Variants in WDR27 observed in about 807,000 individuals in gnomAD.
WDR27 encodes WD repeat domain 27.
WDR27 carries 100 observed loss-of-function variants against 114.4 expected under a neutral mutation model. The ratio of observed to expected loss-of-function variants is 0.87; its 90% CI spans 0.74 to 1.03. The LOEUF (loss-of-function observed/expected upper bound fraction) is 1.03. Ranked by LOEUF, WDR27 falls within the 50% of genes least tolerant of loss-of-function variation. WDR27 has a pLI of 0.00. For missense variants in WDR27, 1,129 were observed against 1,092.9 expected (o/e 1.03, Z -0.47); for synonymous variants, 449 against 423.1 (o/e 1.06, Z -0.75).
At chr6:169,667,865 G>A (rs1252724279) in intron 5 of WDR27, 117 bp downstream of exon 5, 3 of 1,020,142 alleles carry the variant, frequency 2.9e-6, no homozygotes, top group Non-Finnish European at 4.2e-6. Context: ...CAGAAGTGAG[G>A]TAGAAACAAC....
At chr6:169,565,514 G>A (rs1329442713) in intron 25 of WDR27, among the ~76,000 whole-genome samples, 3 of 152,078 alleles carry the variant, frequency 2.0e-5, no homozygotes, top group South Asian at 2.1e-4. Flanking sequence ...CTTGTCTTAC[G>A]CAGTGGAGAA....
chr6:169,592,232 C>G (rs1160495913), intron 23 of WDR27, among the ~76,000 whole-genome samples: 3 of 152,082 alleles, frequency 2.0e-5, no homozygotes, highest in Non-Finnish European at 4.4e-5. Flanking sequence ...TACAGAAAAA[C>G]CTACTGGCAT....
chr6:169,578,942 T>C (rs955911557), intron 24 of WDR27, among the ~76,000 whole-genome samples: 2 of 152,104 alleles, frequency 1.3e-5, no homozygotes, highest in African/African-American at 4.8e-5. Flanking sequence ...GTCATCACAC[T>C]CCAGGTTCCT....
At chr6:169,589,347 T>C (rs1206958920) in intron 23 of WDR27, among the ~76,000 whole-genome samples, 2 of 152,170 alleles carry the variant, frequency 1.3e-5, no homozygotes, top group African/African-American at 2.4e-5. Flanking sequence ...AACAGCACTA[T>C]GAAGAAAACA....
intron 4 of WDR27, among the ~76,000 whole-genome samples, chr6:169,669,279 CAT>C (rs1366719994): frequency 1.3e-5 from 2 of 152,222 alleles, no homozygotes; most frequent in African/African-American, 4.8e-5. Context: ...AACCATTCCT[CAT>C]GTCTGAAAGT....
chr6:169,466,792 G>A (rs1785649301), intron 25 of WDR27, among the ~76,000 whole-genome samples: 1 of 152,184 alleles, frequency 6.6e-6, no homozygotes, highest in African/African-American at 2.4e-5. Flanking sequence ...CAAATCTCAT[G>A]TCTTCACATT....
intron 17 of WDR27, among the ~76,000 whole-genome samples, chr6:169,638,969 A>C (rs1818434799): frequency 6.6e-6 from 1 of 151,914 alleles, no homozygotes; most frequent in South Asian, 2.1e-4. Flanking sequence ...CGTGTACTGC[A>C]TGGTGCTGGG....
chr6:169,496,178 C>A (rs1451612161), intron 25 of WDR27, among the ~76,000 whole-genome samples: 3 of 151,974 alleles, frequency 2.0e-5, no homozygotes, highest in African/African-American at 7.2e-5. Flanking sequence ...ATGATTATCT[C>A]AATTGGTGCA....
chr6:169,663,906 A>G (rs73240760), intron 8 of WDR27, among the ~76,000 whole-genome samples: 6,000 of 152,262 alleles, frequency 0.039, 401 homozygotes, highest in African/African-American at 0.14. Context: ...ATAGCTGCAA[A>G]GCTGCTGCCT....
At chr6:169,683,234 TA>T (rs1391643138) in intron 2 of WDR27, among the ~76,000 whole-genome samples, 1 of 151,990 alleles carries the variant, frequency 6.6e-6, no homozygotes, top group East Asian at 1.9e-4. Flanking sequence ...TCAACCCAAA[TA>T]AAAATACCCA....
At chr6:169,464,414 C>A (rs1190332405) in intron 25 of WDR27, among the ~76,000 whole-genome samples, 1 of 151,938 alleles carries the variant, frequency 6.6e-6, no homozygotes, top group Non-Finnish European at 1.5e-5. Context: ...AATGTGAGAT[C>A]CAAAATAATA....
intron 25 of WDR27, among the ~76,000 whole-genome samples, chr6:169,481,375 A>G (rs572351804): frequency 4.3e-4 from 66 of 152,370 alleles, no homozygotes; most frequent in African/African-American, 1.2e-3. Flanking sequence ...AAAATGGACC[A>G]ATCGGCAGGA....
At chr6:169,695,754 A>G (rs908024111) in intron 1 of WDR27, among the ~76,000 whole-genome samples, 2 of 152,214 alleles carry the variant, frequency 1.3e-5, no homozygotes, top group African/African-American at 4.8e-5. Flanking sequence ...TGAGGTTACT[A>G]ATCAGATGGG....
intron 25 of WDR27, among the ~76,000 whole-genome samples, chr6:169,466,477 A>T (rs572845592): frequency 6.6e-6 from 1 of 152,334 alleles, no homozygotes; most frequent in South Asian, 2.1e-4. Flanking sequence ...TTATAAAACC[A>T]TCAGATCTCA....
chr6:169,501,233 C>T (rs758395446), intron 25 of WDR27, among the ~76,000 whole-genome samples: 1 of 152,204 alleles, frequency 6.6e-6, no homozygotes, highest in Non-Finnish European at 1.5e-5. Context: ...GATCCACCTG[C>T]GGATTGAAGC....
chr6:169,638,818 C>A (rs1818389399), intron 17 of WDR27, among the ~76,000 whole-genome samples, 158 bp from the exon 18 acceptor site: 1 of 152,256 alleles, frequency 6.6e-6, no homozygotes, highest in Non-Finnish European at 1.5e-5. Flanking sequence ...AGTGAGGCTG[C>A]AGAGCCTGAG....
At chr6:169,660,413 G>A (rs1825745848) in intron 10 of WDR27, among the ~76,000 whole-genome samples, 2 of 152,292 alleles carry the variant, frequency 1.3e-5, no homozygotes, top group South Asian at 2.1e-4. Context: ...GGCCTGGAGT[G>A]CCAGGCGAGG....
intron 25 of WDR27, among the ~76,000 whole-genome samples, chr6:169,494,713 C>A (rs1022314384): frequency 2.6e-5 from 4 of 152,140 alleles, no homozygotes; most frequent in Non-Finnish European, 4.4e-5. Flanking sequence ...ATTTTGAGCA[C>A]CACCAAGTCA....
chr6:169,450,597 G>C, the WDR27 span, among the ~76,000 whole-genome samples: 2 of 152,206 alleles, frequency 1.3e-5, no homozygotes, highest in Non-Finnish European at 2.9e-5. Flanking sequence ...CAGGATGACA[G>C]AGCTCACCCA....
Sources: allele counts gnomAD v4.1 joint callset (sites outside exome capture counted in the v4.1 genomes callset), GRCh38; gene constraint gnomAD v4.1.1; transcripts MANE v1.5; gene names NCBI Gene and HGNC (gene_info 2026-07-23, HGNC 2026-07-21).